RBFOX1: variants seen among roughly 807,000 people sequenced by gnomAD.
The protein encoded by RBFOX1 is RNA binding fox-1 homolog 1.
Under a neutral mutation model 57.7 loss-of-function variants are expected in RBFOX1, and 8 were observed. The ratio of observed to expected loss-of-function variants is 0.14; its 90% CI spans 0.08 to 0.25. RBFOX1 has a LOEUF of 0.25. Among genes scored for constraint, RBFOX1 ranks in the 10% least tolerant of loss-of-function variants. The pLI is 1.00. For missense variants in RBFOX1, 611 were observed against 548.5 expected, an observed-to-expected ratio of 1.11 and a Z score of -1.14; for synonymous variants, 326 against 222.4, an observed-to-expected ratio of 1.47 and a Z score of -4.15.
At chr16:6,651,806 C>T (rs2098598424) in intron 2 of RBFOX1, among the ~76,000 whole-genome samples, 2 of 152,124 alleles carry the variant, frequency 1.3e-5, no homozygotes, top group African/African-American at 4.8e-5. Flanking sequence ...GGAAACAGCC[C>T]AAATATCTAT....
chr16:6,373,830 T>C (rs2090818227), intron 2 of RBFOX1, among the ~76,000 whole-genome samples: 1 of 152,160 alleles, frequency 6.6e-6, no homozygotes, highest in Non-Finnish European at 1.5e-5. Flanking sequence ...GTATGTCTTT[T>C]TTGTTATACT....
intron 1 of RBFOX1, among the ~76,000 whole-genome samples, chr16:5,449,683 A>G (rs1054835237): frequency 1.3e-5 from 2 of 152,188 alleles, no homozygotes; most frequent in Non-Finnish European, 2.9e-5. Flanking sequence ...ATCACAGCTC[A>G]CTGCAACCGC....
Position 7,414,763 on chromosome 16 carries a change from G to A in RBFOX1, c.28-103384G>A, listed in dbSNP as rs1480795155. ...CTCCAGAGTAGCTGGGATTACAGGC[G>A]TGTGCCACCATGACTGGCCAATTTT... On this transcript the variant is annotated intron_variant, in intron 4 of 15. Coordinates refer to ENST00000550418, the MANE Select transcript of RBFOX1 (RefSeq NM_018723.4). Among the ~76,000 whole-genome samples the A allele has an allele frequency of 9.2e-5, 14 of 152,102 alleles. No homozygotes were observed. The South Asian group carries it at 1.9e-3, about 20-fold the overall frequency.
At chr16:6,978,534 G>A (rs374309000) in intron 3 of RBFOX1, among the ~76,000 whole-genome samples, 2 of 152,232 alleles carry the variant, frequency 1.3e-5, no homozygotes, top group East Asian at 3.9e-4. Context: ...GTTCATAGAA[G>A]TTAAAGTAAC....
At chr16:6,473,098 C>T (rs1251265208) in intron 2 of RBFOX1, among the ~76,000 whole-genome samples, 2 of 152,132 alleles carry the variant, frequency 1.3e-5, no homozygotes, top group Non-Finnish European at 2.9e-5. Flanking sequence ...AGTCTTCTGC[C>T]CGGGGACCCC....
At chr16:6,621,566 CCT>C (rs1491502927) in intron 2 of RBFOX1, among the ~76,000 whole-genome samples, 1 of 152,188 alleles carries the variant, frequency 6.6e-6, no homozygotes, top group Non-Finnish European at 1.5e-5. Context: ...CGGCAAAGCC[CCT>C]TTTTTCCAAA....
intron 1 of RBFOX1, among the ~76,000 whole-genome samples, chr16:6,164,903 G>A (rs969656027): frequency 6.6e-6 from 1 of 152,158 alleles, no homozygotes; most frequent in Non-Finnish European, 1.5e-5. Context: ...CTACGAAGTT[G>A]AATTTTTCAT....
chr16:5,760,505 C>T (rs994869397), intron 3 of RBFOX1, among the ~76,000 whole-genome samples: 4 of 152,084 alleles, frequency 2.6e-5, no homozygotes, highest in African/African-American at 9.7e-5. Flanking sequence ...GAAAAGAACC[C>T]CATTTCCATC....
At chr16:5,689,061 A>T (rs763623931) in intron 3 of RBFOX1, among the ~76,000 whole-genome samples, 3 of 152,200 alleles carry the variant, frequency 2.0e-5, no homozygotes, top group Middle Eastern at 3.2e-3. Context: ...TCACTTACCT[A>T]ACTTTGAACC....
intron 3 of RBFOX1, among the ~76,000 whole-genome samples, chr16:5,642,240 A>T (rs1055467120): frequency 6.6e-6 from 1 of 152,192 alleles, no homozygotes; most frequent in Non-Finnish European, 1.5e-5. Context: ...GAGATAAGAG[A>T]AGGTTTATTT....
intron 3 of RBFOX1, among the ~76,000 whole-genome samples, chr16:5,694,011 C>CG (rs763653405): frequency 6.8e-4 from 104 of 152,284 alleles, no homozygotes; most frequent in Non-Finnish European, 1.3e-3. Context: ...CACACAGCTT[C>CG]GGGGCATCAG....
At chr16:6,806,059 C>G (rs772951673) in intron 3 of RBFOX1, among the ~76,000 whole-genome samples, 1 of 152,110 alleles carries the variant, frequency 6.6e-6, no homozygotes, top group African/African-American at 2.4e-5. Context: ...AGAAGTCATC[C>G]AGCAGCTTGG....
intron 1 of RBFOX1, among the ~76,000 whole-genome samples, chr16:5,319,528 C>T (rs1044130207): frequency 2.6e-5 from 4 of 152,202 alleles, no homozygotes; most frequent in South Asian, 2.1e-4. Flanking sequence ...GAATCCTTTA[C>T]TGAGCGCCAA....
intron 1 of RBFOX1, among the ~76,000 whole-genome samples, chr16:5,262,224 A>G (rs2062753223): frequency 6.6e-6 from 1 of 152,152 alleles, no homozygotes; most frequent in Non-Finnish European, 1.5e-5. Context: ...GCAAGACATG[A>G]TGGTTAGTGT....
At chr16:6,653,970 C>CAGAT (rs1555655680) in intron 2 of RBFOX1, among the ~76,000 whole-genome samples, 1 of 75,304 alleles carries the variant, frequency 1.3e-5, no homozygotes, top group African/African-American at 3.8e-5. Flanking sequence ...GATGGTTGGA[C>CAGAT]GGATGGATGG....
At chr16:6,459,951 T>A (rs1460013958) in intron 2 of RBFOX1, among the ~76,000 whole-genome samples, 1 of 115,650 alleles carries the variant, frequency 8.6e-6, no homozygotes, top group Non-Finnish European at 1.6e-5. Flanking sequence ...GCCATTGCAC[T>A]CCAGCCCGGG....
At chr16:7,606,639 T>A (rs2095297118) in intron 9 of RBFOX1, among the ~76,000 whole-genome samples, 1 of 152,194 alleles carries the variant, frequency 6.6e-6, no homozygotes, top group African/African-American at 2.4e-5. Context: ...ATCCAGAACA[T>A]TTGGAAAATT....
intron 4 of RBFOX1, among the ~76,000 whole-genome samples, chr16:7,140,157 CCTCT>C (rs57128710): frequency 0.14 from 9,581 of 70,718 alleles, 629 homozygotes; most frequent in East Asian, 0.23. Context: ...TCCTTCTCTC[CCTCT>C]CTCTCTCTCT....
At chr16:6,464,708 C>G (rs2095000719) in intron 2 of RBFOX1, among the ~76,000 whole-genome samples, 1 of 152,234 alleles carries the variant, frequency 6.6e-6, no homozygotes, top group Non-Finnish European at 1.5e-5. Context: ...CTCTCTTGTG[C>G]TTTGATTACA....
Sources: gnomAD v4.1 joint callset for allele counts (sites outside exome capture counted in the v4.1 genomes callset) on GRCh38, gnomAD v4.1.1 for gene constraint, MANE v1.5 for transcripts, NCBI Gene and HGNC (gene_info 2026-07-23, HGNC 2026-07-21) for gene names.